Variants in PHF24 observed in about 807,000 individuals in gnomAD.
The protein encoded by PHF24 is Galpha inhibitory interacting protein.
A neutral mutation model predicts 42.6 loss-of-function variants in PHF24; 25 were observed. That is an observed-to-expected ratio of 0.59 (90% CI 0.43 to 0.82). The LOEUF (loss-of-function observed/expected upper bound fraction) is 0.82, where lower values mean the gene tolerates loss of function less well. PHF24 is among the 40% of genes least tolerant of loss of function. The pLI is 0.00. For synonymous variants in PHF24, 185 were observed against 204.8 expected (o/e 0.90, Z 0.83); for missense variants, 470 against 538.1 (o/e 0.87, Z 1.25).
chr9:34,944,820 G>T, the PHF24 span, among the ~76,000 whole-genome samples: 2 of 149,728 alleles, frequency 1.3e-5, no homozygotes, highest in Non-Finnish European at 3.0e-5. Flanking sequence ...AGACTACAAT[G>T]TGCTATGATT....
chr9:34,889,294 G>T, the PHF24 span: 3 of 398,612 alleles, frequency 7.5e-6, no homozygotes, highest in African/African-American at 6.2e-5. Context: ...ACAGAGTTTG[G>T]AGCATTTGTA....
At chr9:34,904,874 T>TTCA in the PHF24 span, among the ~76,000 whole-genome samples, 1 of 150,232 alleles carries the variant, frequency 6.7e-6, no homozygotes, top group African/African-American at 2.5e-5. Context: ...CAGGAATTTA[T>TTCA]TCATCTCTTC....
chr9:34,694,613 G>A, the PHF24 span, among the ~76,000 whole-genome samples: 8 of 151,940 alleles, frequency 5.3e-5, no homozygotes, highest in South Asian at 4.1e-4. Context: ...GATTACAGGC[G>A]TGAGCCACCA....
chr9:34,931,607 G>T, the PHF24 span, among the ~76,000 whole-genome samples: 2 of 152,010 alleles, frequency 1.3e-5, no homozygotes, highest in Non-Finnish European at 2.9e-5. Flanking sequence ...AAAAAATTAA[G>T]AAGTGTGTGG....
At chr9:34,666,433 G>C in the PHF24 span, among the ~76,000 whole-genome samples, 1 of 152,106 alleles carries the variant, frequency 6.6e-6, no homozygotes, top group Non-Finnish European at 1.5e-5. Context: ...TCCTCAGATA[G>C]AGTCCAGTCT....
the PHF24 span, among the ~76,000 whole-genome samples, chr9:34,780,447 C>A: frequency 6.6e-6 from 1 of 151,572 alleles, no homozygotes; most frequent in East Asian, 1.9e-4. Flanking sequence ...CCACCACACC[C>A]AGTTAATTTT....
the PHF24 span, among the ~76,000 whole-genome samples, chr9:34,771,049 G>T: frequency 5.4e-4 from 82 of 152,206 alleles, 1 homozygote; most frequent in African/African-American, 1.1e-3. Flanking sequence ...GGAGGCAGAG[G>T]TTGCAGTGAG....
chr9:34,971,443 G>C, exon 2 of PHF24: 4 of 1,614,182 alleles, frequency 2.5e-6, no homozygotes, highest in Non-Finnish European at 3.4e-6. Context: ...TGGCACTGTA[G>C]AGGGCTCCGT....
the PHF24 span, among the ~76,000 whole-genome samples, chr9:34,828,263 C>G: frequency 1.3e-5 from 2 of 152,032 alleles, no homozygotes; most frequent in African/African-American, 4.8e-5. Flanking sequence ...TTCTATCTAC[C>G]ACCAGTGTCT....
the PHF24 span, among the ~76,000 whole-genome samples, chr9:34,893,794 C>G: frequency 6.6e-6 from 1 of 151,966 alleles, no homozygotes; most frequent in African/African-American, 2.4e-5. Context: ...CGGAGCCAGG[C>G]GGTTAGCTGA....
the PHF24 span, among the ~76,000 whole-genome samples, chr9:34,823,930 A>G: frequency 1.1e-4 from 17 of 152,268 alleles, no homozygotes; most frequent in Admixed American, 9.8e-4. Flanking sequence ...TACCTCAGCC[A>G]CAGTGTTAGC....
chr9:34,728,125 C>T, the PHF24 span: 1 of 1,528,962 alleles, frequency 6.5e-7, no homozygotes, highest in East Asian at 2.5e-5. Context: ...GGGATAATTT[C>T]ATAGGCATCC....
chr9:34,817,685 T>C, the PHF24 span, among the ~76,000 whole-genome samples: 2 of 152,202 alleles, frequency 1.3e-5, no homozygotes, highest in African/African-American at 4.8e-5. Flanking sequence ...AACCATGTCT[T>C]TTAAAGAACA....
intron 1 of PHF24, among the ~76,000 whole-genome samples, chr9:34,960,039 G>C (rs1826534697): frequency 6.6e-6 from 1 of 152,182 alleles, no homozygotes; most frequent in South Asian, 2.1e-4. Flanking sequence ...GAGTCTGTTA[G>C]GGGGAGCGCA....
chr9:34,787,680 G>A, the PHF24 span, among the ~76,000 whole-genome samples: 1 of 152,178 alleles, frequency 6.6e-6, no homozygotes, highest in Non-Finnish European at 1.5e-5. Context: ...ACATCTGCAA[G>A]ATGGGGCCCA....
chr9:34,819,578 G>A, the PHF24 span, among the ~76,000 whole-genome samples: 1 of 152,180 alleles, frequency 6.6e-6, no homozygotes, highest in African/African-American at 2.4e-5. Context: ...TTAGAAGTAT[G>A]TTATTTAGTT....
the PHF24 span, among the ~76,000 whole-genome samples, chr9:34,783,470 C>T: frequency 6.6e-6 from 1 of 152,088 alleles, no homozygotes; most frequent in Non-Finnish European, 1.5e-5. Context: ...TTTCACCAAT[C>T]CTAATATTCT....
At chr9:34,888,709 A>G in the PHF24 span, among the ~76,000 whole-genome samples, 2 of 152,212 alleles carry the variant, frequency 1.3e-5, no homozygotes, top group African/African-American at 4.8e-5. Context: ...CATATACTGT[A>G]TAGAAGTCAT....
chr9:34,719,158 C>T, the PHF24 span, among the ~76,000 whole-genome samples: 3 of 152,184 alleles, frequency 2.0e-5, no homozygotes, highest in Admixed American at 2.0e-4. Flanking sequence ...CTCCTTCAGC[C>T]TCCTGAGAAG....
Sources: gnomAD v4.1 joint callset for allele counts (sites outside exome capture counted in the v4.1 genomes callset) on GRCh38, gnomAD v4.1.1 for gene constraint, MANE v1.5 for transcripts, NCBI Gene and HGNC (gene_info 2026-07-23, HGNC 2026-07-21) for gene names.